The following ACAD10 variants were observed in gnomAD, a reference collection of about 807,000 sequenced individuals.
The protein encoded by ACAD10 is acyl-CoA dehydrogenase family member 10, also known as ACAD-10.
In ACAD10, 112 loss-of-function variants were observed where a neutral mutation model predicts 116.8. The observed-to-expected ratio is 0.96, with a 90% CI of 0.82 to 1.12. The LOEUF is 1.12. Among genes scored for constraint, ACAD10 ranks in the 50% most tolerant of loss-of-function variants. The probability of loss-of-function intolerance (pLI) is 0.00; values close to 1 mark genes in which losing one functional copy is unlikely to be tolerated. For synonymous variants in ACAD10, 486 were observed against 510.6 expected (o/e 0.95, Z 0.65); for missense variants, 1,259 against 1,350.2 (o/e 0.93, Z 1.06).
At chr12:111,744,065 T>C (rs1372100819) in intron 12 of ACAD10, among the ~76,000 whole-genome samples, 1 of 152,032 alleles carries the variant, frequency 6.6e-6, no homozygotes, top group Non-Finnish European at 1.5e-5. Context: ...TTTTTTTTAA[T>C]GGGGAAAAAT....
At chr12:111,723,517 G>A in intron 8 of ACAD10, among the ~76,000 whole-genome samples, 1 of 129,440 alleles carries the variant, frequency 7.7e-6, no homozygotes, top group African/African-American at 3.0e-5. Flanking sequence ...GGGCAGAGGG[G>A]CTCCTCACTT....
At chr12:111,755,497 GACT>G (rs1890185179) in intron 19 of ACAD10, among the ~76,000 whole-genome samples, 168 bp from the exon 20 acceptor site, 1 of 152,072 alleles carries the variant, frequency 6.6e-6, no homozygotes, top group South Asian at 2.1e-4. Context: ...CAACTTCCCA[GACT>G]CAAACAATCC....
chr12:111,756,457 T>C lies in ACAD10; in HGVS notation c.3164T>C (p.Leu1055Pro), dbSNP rs1038993253. ...CGGGCCACGGTGGCCAAGCTAGAGCTGAAGCACCGCATTTAGAGCCTTGGG... is the reference window on the plus strand; with the variant it reads ...CGGGCCACGGTGGCCAAGCTAGAGCCGAAGCACCGCATTTAGAGCCTTGGG... Reference protein sequence around the residue: ...VHRATVAKLELKHRI With the variant: ...VHRATVAKLEPKHRI The change falls in exon 21 of 21, where the codon CTG (leucine) becomes CCG (proline). Residue 1055 changes from leucine to proline, a missense_variant. By Grantham distance (98) the Leu-to-Pro change is moderately conservative. Coordinates refer to ENST00000313698, the MANE Select transcript of ACAD10 (RefSeq NM_025247.6). The C allele has an allele frequency of 2.5e-6, 4 of 1,612,444 alleles. No individual in the cohort carries two copies. In the African/African-American group the frequency reaches 4.0e-5, roughly 16 times the overall value.
chr12:111,720,123 C>G (rs1424624664), intron 7 of ACAD10, among the ~76,000 whole-genome samples: 1 of 152,194 alleles, frequency 6.6e-6, no homozygotes, highest in African/African-American at 2.4e-5. Context: ...CTCGGCCTCC[C>G]AAAATGCTGG....
chr12:111,750,445 G>C (rs1890044511), intron 18 of ACAD10, among the ~76,000 whole-genome samples: 1 of 152,156 alleles, frequency 6.6e-6, no homozygotes, highest in South Asian at 2.1e-4. Context: ...TAAGTGCCAG[G>C]CATGGTAGCA....
chr12:111,743,718 T>A (rs1889812355), intron 12 of ACAD10, among the ~76,000 whole-genome samples: 1 of 152,166 alleles, frequency 6.6e-6, no homozygotes, highest in South Asian at 2.1e-4. Flanking sequence ...TAAGGAGGTG[T>A]ATGTACACCA....
intron 9 of ACAD10, among the ~76,000 whole-genome samples, chr12:111,728,748 G>A (rs974251076): frequency 1.3e-5 from 2 of 152,078 alleles, no homozygotes; most frequent in African/African-American, 4.8e-5. Context: ...GGAGTGTAGT[G>A]GTGTGATCTC....
At chr12:111,727,925 ACT>A (rs1889266953) in intron 8 of ACAD10, 35 bp from the exon 9 acceptor site, 4 of 1,573,064 alleles carry the variant, frequency 2.5e-6, no homozygotes, top group Non-Finnish European at 3.5e-6. Flanking sequence ...CCACATTATG[ACT>A]CTGATCCCTG....
intron 1 of ACAD10, among the ~76,000 whole-genome samples, chr12:111,690,217 A>T (rs892380556): frequency 2.0e-5 from 3 of 152,194 alleles, no homozygotes; most frequent in Admixed American, 2.0e-4. Flanking sequence ...ATTTTGATAT[A>T]TCTGCGTATA....
chr12:111,749,490 C>A, intron 18 of ACAD10, 145 bp downstream of exon 18: 1 of 1,106,192 alleles, frequency 9.0e-7, no homozygotes, highest in Non-Finnish European at 1.3e-6. Flanking sequence ...GCATTCCTGT[C>A]TGCTTTGCAT....
At chr12:111,703,460 A>G (rs1220420620) in intron 3 of ACAD10, among the ~76,000 whole-genome samples, 1 of 152,204 alleles carries the variant, frequency 6.6e-6, no homozygotes, top group African/African-American at 2.4e-5. Context: ...AATTTAAAAT[A>G]TAGTAAGAAA....
intron 10 of ACAD10, chr12:111,733,720 T>C: frequency 1.7e-6 from 1 of 599,466 alleles, no homozygotes; most frequent in Non-Finnish European, 2.9e-6. Context: ...CTTTCCCATC[T>C]CCTGCTTTTG....
At chr12:111,755,326 A>G (rs1176257262) in intron 19 of ACAD10, among the ~76,000 whole-genome samples, 1 of 152,066 alleles carries the variant, frequency 6.6e-6, no homozygotes, top group African/African-American at 2.4e-5. Flanking sequence ...GGTTGGTCTC[A>G]AACTCCTGAC....
At chr12:111,726,161 G>A (rs1889208347) in intron 8 of ACAD10, among the ~76,000 whole-genome samples, 1 of 152,118 alleles carries the variant, frequency 6.6e-6, no homozygotes, top group African/African-American at 2.4e-5. Context: ...GGCTGAAGCA[G>A]GAGAATCATT....
intron 19 of ACAD10, 46 bp downstream of exon 19, chr12:111,753,961 C>A: frequency 6.4e-7 from 1 of 1,550,494 alleles, no homozygotes; most frequent in Admixed American, 1.9e-5. Flanking sequence ...AGAGATTCTT[C>A]CTCCTCACTC....
intron 6 of ACAD10, among the ~76,000 whole-genome samples, chr12:111,713,624 CAAA>C (rs35030891): frequency 8.9e-6 from 1 of 112,798 alleles, no homozygotes; most frequent in African/African-American, 3.2e-5. Context: ...GACTCCATCT[CAAA>C]AAAAAAAAGG....
In ACAD10 at chr12:111,748,342, CTG is replaced by C. The variant is rs1446845124; in HGVS notation, c.2517_2518del (p.Phe840TyrfsTer46). 4 of 1,614,068 alleles carry C rather than the reference CTG, an allele frequency of 2.5e-6. No individual in the cohort carries two copies. The African/African-American group carries it at 4.0e-5, about 16-fold the overall frequency. ...GCATCCTGGATCCTCGTTGCCAACT[CTG>C]TGTGTTTATGGGAAAAACAGACCCA... ...TGILDPRCQL[C>X]VFMGKTDPHA... On this transcript the variant is annotated frameshift_variant, in exon 17 of 21. Transcript: ENST00000313698. LOFTEE classifies it high-confidence loss of function.
chr12:111,755,908 G>A, intron 20 of ACAD10, 163 bp downstream of exon 20: 1 of 786,024 alleles, frequency 1.3e-6, no homozygotes, highest in Non-Finnish European at 2.1e-6. Context: ...GACCCAGCAA[G>A]GTGGGAGGTG....
chr12:111,734,167 T>G, intron 11 of ACAD10, 99 bp downstream of exon 11: 1 of 1,542,800 alleles, frequency 6.5e-7, no homozygotes, highest in South Asian at 1.2e-5. Context: ...GCGGGGGAAG[T>G]GAAAGTGAGG....
Sources: allele counts gnomAD v4.1 joint callset (sites outside exome capture counted in the v4.1 genomes callset), GRCh38; gene constraint gnomAD v4.1.1; transcripts MANE v1.5; gene names NCBI Gene and HGNC (gene_info 2026-07-23, HGNC 2026-07-21).